Variants in RIMS2 observed in about 807,000 individuals in gnomAD.
RIMS2 encodes the protein regulating synaptic membrane exocytosis protein 2.
Under a neutral mutation model 174.4 loss-of-function variants are expected in RIMS2, and 59 were observed. That is an observed-to-expected ratio of 0.34 (90% CI 0.27 to 0.42). RIMS2 has a LOEUF of 0.42. Ranked by LOEUF, RIMS2 falls within the 10% of genes least tolerant of loss-of-function variation. The probability of loss-of-function intolerance (pLI) is 1.00; values close to 1 mark genes in which losing one functional copy is unlikely to be tolerated. For missense variants in RIMS2, 1,620 were observed against 1,666.3 expected (o/e 0.97, Z 0.48); for synonymous variants, 606 against 572.5 (o/e 1.06, Z -0.84).
At chr8:104,233,384 T>A (rs545859809) in intron 19 of RIMS2, among the ~76,000 whole-genome samples, 5 of 152,256 alleles carry the variant, frequency 3.3e-5, no homozygotes, top group African/African-American at 1.2e-4. Context: ...AAATCTAATT[T>A]AAATGTATGG....
chr8:103,588,591 C>A, intron 1 of RIMS2, among the ~76,000 whole-genome samples: 1 of 151,804 alleles, frequency 6.6e-6, no homozygotes, highest in African/African-American at 2.4e-5. Context: ...ATAGAGAACC[C>A]AGAAAGAAAT....
intron 18 of RIMS2, among the ~76,000 whole-genome samples, 170 bp from the exon 21 acceptor site, chr8:104,014,336 G>T (rs892318047): frequency 6.6e-6 from 1 of 152,120 alleles, no homozygotes; most frequent in East Asian, 1.9e-4. Flanking sequence ...AACATCTTTT[G>T]CTATTTAATC....
At chr8:104,054,462 G>A (rs897844454) in intron 19 of RIMS2, among the ~76,000 whole-genome samples, 3 of 151,878 alleles carry the variant, frequency 2.0e-5, no homozygotes, top group African/African-American at 7.3e-5. Flanking sequence ...TCAATTTAAT[G>A]GTGATCCTAA....
At chr8:104,216,014 T>A (rs538260562) in intron 19 of RIMS2, among the ~76,000 whole-genome samples, 17 of 152,332 alleles carry the variant, frequency 1.1e-4, no homozygotes, top group Middle Eastern at 3.4e-3. Flanking sequence ...TATATTTCAT[T>A]TTTGGAAATA....
At chr8:104,185,504 G>T (rs147615321) in intron 19 of RIMS2, among the ~76,000 whole-genome samples, 114 of 151,650 alleles carry the variant, frequency 7.5e-4, no homozygotes, top group African/African-American at 2.5e-3. Context: ...TACTAAAAGA[G>T]GGCCTTTGGC....
intron 19 of RIMS2, among the ~76,000 whole-genome samples, chr8:104,133,487 A>G (rs181632838): frequency 6.6e-6 from 1 of 152,202 alleles, no homozygotes; most frequent in East Asian, 1.9e-4. Flanking sequence ...AGATAAGGGA[A>G]TTCCTTCTGA....
At chr8:103,768,481 C>A in intron 3 of RIMS2, 1 of 858,388 alleles carries the variant, frequency 1.2e-6, no homozygotes, top group Non-Finnish European at 2.0e-6. Context: ...AGAGGGGTGT[C>A]TTGATTCATG....
intron 3 of RIMS2, among the ~76,000 whole-genome samples, chr8:103,806,068 C>T (rs958251991): frequency 6.6e-6 from 1 of 151,960 alleles, no homozygotes; most frequent in Non-Finnish European, 1.5e-5. Flanking sequence ...TAACTTAAAA[C>T]CCCTGTCTGG....
chr8:103,873,057 C>G (rs1282344877), intron 3 of RIMS2, among the ~76,000 whole-genome samples: 7 of 152,102 alleles, frequency 4.6e-5, no homozygotes, highest in African/African-American at 1.4e-4. Flanking sequence ...TCTGGGTGCA[C>G]TAGAGCTGCT....
At chr8:103,834,712 CTT>C (rs1368405694) in intron 3 of RIMS2, among the ~76,000 whole-genome samples, 6 of 133,540 alleles carry the variant, frequency 4.5e-5, no homozygotes, top group African/African-American at 1.5e-4. Flanking sequence ...TTCTTTCTTT[CTT>C]TCTTTCTTTC....
intron 4 of RIMS2, among the ~76,000 whole-genome samples, chr8:103,905,090 A>G (rs1051431988): frequency 6.6e-6 from 1 of 152,054 alleles, no homozygotes; most frequent in African/African-American, 2.4e-5. Context: ...ATATATGTTG[A>G]AAACCACATC....
At chr8:104,052,634 T>C (rs768097071) in intron 19 of RIMS2, among the ~76,000 whole-genome samples, 1 of 152,162 alleles carries the variant, frequency 6.6e-6, no homozygotes, top group Non-Finnish European at 1.5e-5. Context: ...TAGATATTCA[T>C]TGATAATGAT....
intron 1 of RIMS2, among the ~76,000 whole-genome samples, chr8:103,535,450 ATATC>A (rs1321324120): frequency 4.6e-5 from 7 of 152,202 alleles, no homozygotes; most frequent in African/African-American, 1.7e-4. Flanking sequence ...AGGCTCAAGT[ATATC>A]TACAGGATTT....
At chr8:103,576,636 A>T (rs2093262300) in intron 1 of RIMS2, among the ~76,000 whole-genome samples, 1 of 152,208 alleles carries the variant, frequency 6.6e-6, no homozygotes, top group Admixed American at 6.5e-5. Flanking sequence ...AAGTAAAAAG[A>T]ACAAAGCTAG....
At chr8:103,741,511 C>T (rs943324577) in intron 2 of RIMS2, among the ~76,000 whole-genome samples, 3 of 151,974 alleles carry the variant, frequency 2.0e-5, no homozygotes, top group Non-Finnish European at 2.9e-5. Flanking sequence ...GAATTGAAGA[C>T]ACCAGGCTTG....
At chr8:103,766,508 T>C in exon 3 of RIMS2, 4 of 1,613,308 alleles carry the variant, frequency 2.5e-6, no homozygotes, top group Non-Finnish European at 3.4e-6. Flanking sequence ...GCGTGAAGCA[T>C]CACATTGCCA....
intron 17 of RIMS2, among the ~76,000 whole-genome samples, chr8:104,004,857 A>G (rs1222426167): frequency 6.6e-6 from 1 of 151,976 alleles, no homozygotes; most frequent in Non-Finnish European, 1.5e-5. Context: ...GAAGCTGAGT[A>G]AAAGGATGCT....
At chr8:104,055,711 T>A (rs911307495) in intron 19 of RIMS2, among the ~76,000 whole-genome samples, 3 of 152,218 alleles carry the variant, frequency 2.0e-5, no homozygotes, top group Non-Finnish European at 1.5e-5. Context: ...CTGTATATTA[T>A]GAAAAAAGAA....
At chr8:103,676,344 C>T (rs536038625) in intron 1 of RIMS2, among the ~76,000 whole-genome samples, 3 of 152,284 alleles carry the variant, frequency 2.0e-5, no homozygotes, top group South Asian at 4.1e-4. Context: ...TTACTGAGCT[C>T]AGGGTAGAGC....
Sources: allele counts gnomAD v4.1 joint callset (sites outside exome capture counted in the v4.1 genomes callset), GRCh38; gene constraint gnomAD v4.1.1; transcripts MANE v1.5; gene names NCBI Gene and HGNC (gene_info 2026-07-23, HGNC 2026-07-21).